Variants in IFT46 observed in about 807,000 individuals in gnomAD.
The protein encoded by IFT46 is intraflagellar transport 46.
IFT46 carries 19 observed loss-of-function variants against 39.6 expected under a neutral mutation model. That is an observed-to-expected ratio of 0.48 (90% CI 0.33 to 0.70). The LOEUF is 0.70. Among genes scored for constraint, IFT46 ranks in the 30% least tolerant of loss-of-function variants. The pLI is 0.01. For missense variants in IFT46, 334 were observed against 364.8 expected, an observed-to-expected ratio of 0.92 and a Z score of 0.69; for synonymous variants, 117 against 134.8, an observed-to-expected ratio of 0.87 and a Z score of 0.91.
chr11:118,562,381 A>G (rs1469515377), intron 2 of IFT46, among the ~76,000 whole-genome samples: 2 of 152,212 alleles, frequency 1.3e-5, no homozygotes, highest in East Asian at 3.8e-4. Context: ...TCGAGGCTGC[A>G]GTGAACCGTG....
At chr11:118,563,964 G>A (rs1274753072) in intron 2 of IFT46, among the ~76,000 whole-genome samples, 1 of 151,914 alleles carries the variant, frequency 6.6e-6, no homozygotes, top group Non-Finnish European at 1.5e-5. Flanking sequence ...CACTTTGGGA[G>A]GCCGAGGCAG....
At chr11:118,572,741 TC>T in exon 1 of IFT46, 1 of 569,540 alleles carries the variant, frequency 1.8e-6, no homozygotes, top group Non-Finnish European at 3.0e-6. Context: ...CTGACTCCAG[TC>T]CATCTGTCGT....
At position 118,544,949 on chromosome 11, in the gene IFT46, T is replaced by G. The variant is rs562165126; in HGVS notation, c.882A>C (p.Gln294His). 26 of 1,613,908 alleles carry G rather than the reference T, an allele frequency of 1.6e-5. No individual in the cohort carries two copies. In the South Asian group the frequency reaches 2.7e-4, roughly 17 times the overall value. ...AFTPSSNSTS[Q>H]AGDMETLTFS ...AGGTTAATGTCTCCATGTCTCCAGC[T>G]TGGGAGGTGGAATTGGATGAAGGAG... Residue 294 changes from glutamine to histidine, a missense_variant, in exon 12 of 12, where the codon CAA (glutamine) becomes CAC (histidine). By Grantham distance (24) the Gln-to-His change is conservative. Transcript: ENST00000264021.
chr11:118,575,432 G>GTA (rs1938472076), upstream of IFT46, among the ~76,000 whole-genome samples: 1 of 152,038 alleles, frequency 6.6e-6, no homozygotes, highest in Admixed American at 6.6e-5. Flanking sequence ...GTGTGTGTGT[G>GTA]TGTGTTTTAA....
chr11:118,548,470 T>C (rs931347468), intron 9 of IFT46, among the ~76,000 whole-genome samples: 1 of 150,456 alleles, frequency 6.6e-6, no homozygotes, highest in Non-Finnish European at 1.5e-5. Context: ...GTTCAAGCGA[T>C]TCTCCTGGCT....
At chr11:118,576,250 A>G (rs1192040962), upstream of IFT46, among the ~76,000 whole-genome samples, 6 of 151,760 alleles carry the variant, frequency 4.0e-5, no homozygotes, top group African/African-American at 1.5e-4. Context: ...TACTCAAACC[A>G]TGTAAGAATT....
In IFT46 at chr11:118,547,937, G is replaced by A. The variant is rs1341546819; in HGVS notation, c.673-2084C>T. Among the ~76,000 whole-genome samples, 9 of 150,818 alleles carry A rather than the reference G, an allele frequency of 6.0e-5. No individual in the cohort carries two copies. The South Asian group carries it at 6.3e-4, about 11-fold the overall frequency. ...AATTTTTTGTATTTTTAGTAGAGAC[G>A]GGGTTTCACCATGTTAGCCAGGATG... On this transcript the variant is annotated intron_variant, in intron 9 of 11. Transcript: ENST00000264021.
chr11:118,556,955 C>G lies in IFT46; in HGVS notation c.136G>C (p.Asp46His). 2 of 1,609,756 alleles carry G rather than the reference C, an allele frequency of 1.2e-6. No homozygotes were observed. Among genetic ancestry groups the G allele is most frequent in the South Asian group, 2.2e-5 (2 of 90,152 alleles). ...DDDDDDSSET[D>H]SDSDDDDEEH... Reference sequence around the variant, plus strand: ...TCATCATCATCATCAGAATCAGAATCAGTTTCAGATGAATCATCATCATCA... The same window carrying G: ...TCATCATCATCATCAGAATCAGAATGAGTTTCAGATGAATCATCATCATCA... Residue 46 changes from aspartate to histidine, a missense_variant, in exon 4 of 12, where the codon GAT (aspartate) becomes CAT (histidine). Physicochemically the swap from Asp to His is moderately conservative, Grantham distance 81. Coordinates refer to ENST00000264021, the MANE Select transcript of IFT46 (RefSeq NM_001168618.2).
chr11:118,551,062 A>G (rs1591362342), intron 9 of IFT46, among the ~76,000 whole-genome samples: 1 of 149,396 alleles, frequency 6.7e-6, no homozygotes, highest in African/African-American at 2.5e-5. Flanking sequence ...TTTCTTATAT[A>G]TCAAATTACC....
chr11:118,561,811 A>G (rs541084460), intron 2 of IFT46, among the ~76,000 whole-genome samples: 5 of 152,308 alleles, frequency 3.3e-5, no homozygotes, highest in African/African-American at 1.2e-4. Context: ...GTATGCAAAG[A>G]TAAGAGCAAT....
At position 118,551,826 on chromosome 11, in the gene IFT46, A is replaced by G. The variant is rs782172103; in HGVS notation, c.632T>C (p.Met211Thr). The G allele has an allele frequency of 2.0e-5, 33 of 1,614,136 alleles. No individual in the cohort carries two copies. Among genetic ancestry groups the G allele is most frequent in the Non-Finnish European group, 2.8e-5 (33 of 1,180,030 alleles). ...TTCAAACTCCGGGGACCATTCCTGC[A>G]TCAGCGTGTCAATGTCGGGCATGGG... ...TRPMPDIDTLMQEWSPEFEEL... is the reference protein window; with the variant it reads ...TRPMPDIDTLTQEWSPEFEEL... The change falls in exon 9 of 12, where the codon ATG becomes ACG. Residue 211 changes from methionine to threonine, a missense_variant. Met to Thr is a moderately conservative substitution (Grantham distance 81). Coordinates refer to ENST00000264021, the MANE Select transcript of IFT46 (RefSeq NM_001168618.2).
chr11:118,571,518 C>T lies in IFT46; in HGVS notation c.-133+1078G>A, dbSNP rs146757999. Reference sequence around the variant, plus strand: ...GAGGAACTGCCAAACTCTTTTCCAACGTGGCTGCACTATTTTACATTCATC... The same window carrying T: ...GAGGAACTGCCAAACTCTTTTCCAATGTGGCTGCACTATTTTACATTCATC... On this transcript the variant is annotated intron_variant, in intron 1 of 5. Coordinates refer to the IFT46 transcript ENST00000528378. 5.8e-3 allele frequency among the ~76,000 whole-genome samples: 878 copies of T among 152,296 alleles called. 11 individuals are homozygous for T. The highest frequency in any genetic ancestry group is 0.019 in the African/African-American group (783 of 41,534).
At chr11:118,569,263 A>G (rs556535163), upstream of IFT46, among the ~76,000 whole-genome samples, 14 of 151,850 alleles carry the variant, frequency 9.2e-5, no homozygotes, top group African/African-American at 3.4e-4. Flanking sequence ...CGGGCAACAA[A>G]AGCGAAACTC....
At chr11:118,565,966 C>G (rs1441333230), upstream of IFT46, 2 of 152,244 alleles carry the variant, frequency 1.3e-5, no homozygotes, top group East Asian at 1.9e-4. Flanking sequence ...CTTCCACTCT[C>G]GTGAGACCTC....
In IFT46 at chr11:118,547,847, C is replaced by T. The variant is rs569451285; in HGVS notation, c.673-1994G>A. Among the ~76,000 whole-genome samples the T allele has an allele frequency of 3.3e-4, 49 of 147,660 alleles. 2 individuals are homozygous for T. The South Asian group carries it at 8.5e-3, about 26-fold the overall frequency. On this transcript the variant is annotated intron_variant, in intron 9 of 11. Transcript: ENST00000264021. ...CTACAATCTCCGTCTCCCGGGTTCA[C>T]GCCATTCTCCTGCCTCAGCCTCCCA... is the stretch of plus-strand genomic sequence containing the variant.
intron 3 of IFT46, chr11:118,557,738 C>G (rs1404639781): frequency 1.2e-6 from 2 of 1,613,952 alleles, no homozygotes. Context: ...TATAACCTAC[C>G]TTTCTGTGCT....
intron 3 of IFT46, chr11:118,557,934 A>G: frequency 6.5e-7 from 1 of 1,529,838 alleles, no homozygotes; most frequent in African/African-American, 1.4e-5. Flanking sequence ...AGGTTTTCAA[A>G]ACTTGGTTTC....
intron 7 of IFT46, 142 bp downstream of exon 7, chr11:118,554,317 A>T: frequency 1.5e-6 from 1 of 678,448 alleles, no homozygotes; most frequent in Non-Finnish European, 2.2e-6. Context: ...CGGCCTCCCA[A>T]AGTGCTGGGA....
At chr11:118,556,806 A>C in intron 4 of IFT46, 100 bp downstream of exon 4, 4 of 1,387,354 alleles carry the variant, frequency 2.9e-6, no homozygotes, top group African/African-American at 1.4e-5. Flanking sequence ...GGAGATCAAA[A>C]GAGATGCTGG....
Sources: allele counts gnomAD v4.1 joint callset (sites outside exome capture counted in the v4.1 genomes callset), GRCh38; gene constraint gnomAD v4.1.1; transcripts MANE v1.5; gene names NCBI Gene and HGNC (gene_info 2026-07-23, HGNC 2026-07-21).